The following PLA2G2F variants were observed in gnomAD, a reference collection of about 807,000 sequenced individuals.
PLA2G2F encodes the protein phospholipase A2 group IIF.
A neutral mutation model predicts 15.9 loss-of-function variants in PLA2G2F; 17 were observed. The ratio of observed to expected loss-of-function variants is 1.07; its 90% CI spans 0.73 to 1.60. PLA2G2F has a LOEUF of 1.60. Ranked by LOEUF, PLA2G2F falls within the 40% of genes most tolerant of loss-of-function variation. The pLI is 0.00. For synonymous variants in PLA2G2F, 119 were observed against 106.5 expected (o/e 1.12, Z -0.72); for missense variants, 299 against 278.2 (o/e 1.07, Z -0.53).
rs763284127 is a variant in PLA2G2F, at chr1:20,148,724, G to A, written c.*323G>A. 1 of 362,268 alleles carries A rather than the reference G, an allele frequency of 2.8e-6. No individual in the cohort carries two copies. Among genetic ancestry groups the A allele is most frequent in the Non-Finnish European group, 5.1e-6 (1 of 197,004 alleles). 22.4% of individuals were successfully genotyped at this position (362,268 alleles called of 1,614,324 possible). ...CCTCTGAGTGGGGCCTCTGTTGCTGGCGCCAGTTTAACTCCCCGGAGCCTT... is the reference window on the plus strand; with the variant it reads ...CCTCTGAGTGGGGCCTCTGTTGCTGACGCCAGTTTAACTCCCCGGAGCCTT... On this transcript the variant is annotated 3_prime_UTR_variant, in exon 5 of 5. Coordinates refer to ENST00000375102, the MANE Select transcript of PLA2G2F (RefSeq NM_022819.4).
chr1:20,148,652 G>T lies in PLA2G2F; in HGVS notation c.*251G>T, dbSNP rs1206507147. 3.6e-6 allele frequency: 2 copies of T among 560,526 alleles called. No homozygotes were observed. The highest frequency in any genetic ancestry group is 3.1e-5 in the Admixed American group (1 of 32,482). 34.7% of individuals were successfully genotyped at this position (560,526 alleles called of 1,614,324 possible). A position where few individuals can be genotyped will look rare whatever the true frequency, so the allele number is the denominator to read the frequency against. On this transcript the variant is annotated 3_prime_UTR_variant, in exon 5 of 5. Transcript: ENST00000375102. Reference sequence around the variant, plus strand: ...GGTGGGAGGCACGGAGCTTATAGGGGTCTCTCCTGAGGGTGGCCGGGGAGA... The same window carrying T: ...GGTGGGAGGCACGGAGCTTATAGGGTTCTCTCCTGAGGGTGGCCGGGGAGA...
At chr1:20,142,105 G>A (rs2017485668) in intron 2 of PLA2G2F, 1 of 152,316 alleles carries the variant, frequency 6.6e-6, no homozygotes, top group Non-Finnish European at 1.5e-5. Flanking sequence ...GAAACCGTTG[G>A]CTTTCCCCTC....
intron 2 of PLA2G2F, chr1:20,140,508 GT>G: frequency 2.4e-6 from 1 of 409,940 alleles, no homozygotes; most frequent in Non-Finnish European, 4.4e-6. Flanking sequence ...GTGTACTAGT[GT>G]GTGTCCATCA....
intron 3 of PLA2G2F, 101 bp downstream of exon 3, chr1:20,143,691 C>A: frequency 7.1e-7 from 1 of 1,415,368 alleles, no homozygotes; most frequent in East Asian, 2.3e-5. Context: ...GACCTTCTTT[C>A]CCCAAAGGAT....
chr1:20,140,467 T>G, intron 2 of PLA2G2F: 4 of 499,442 alleles, frequency 8.0e-6, no homozygotes, highest in Non-Finnish European at 1.4e-5. Context: ...CGTAAAATGC[T>G]GGTGTTGGCT....
intron 4 of PLA2G2F, among the ~76,000 whole-genome samples, chr1:20,147,615 A>C (rs1421349489): frequency 6.6e-6 from 1 of 151,946 alleles, no homozygotes; most frequent in East Asian, 1.9e-4. Flanking sequence ...CGCCTGGCTA[A>C]TTTTTTGTAT....
chr1:20,143,554 T>TG lies in PLA2G2F; in HGVS notation c.284dup (p.Arg96ProfsTer7), dbSNP rs765044453. On this transcript the variant is annotated frameshift_variant, in exon 3 of 5. Transcript: ENST00000375102. LOFTEE classifies it high-confidence loss of function. The stretch of plus-strand genomic sequence containing the variant: ...GTGGGCTACGGTTGCTACTGTGGGC[T>TG]GGGGGGCCGTGGCCAGCCCAAGGAT... 2.5e-5 allele frequency: 41 copies of TG among 1,613,804 alleles called. No homozygotes were observed. The highest frequency in any genetic ancestry group is 3.5e-5 in the Non-Finnish European group (41 of 1,179,924).
rs1467279766 is a variant in PLA2G2F at position 20,144,627 on chromosome 1, G to A, written c.362G>A (p.Gly121Asp). The A allele has an allele frequency of 1.2e-6, 2 of 1,612,540 alleles. No individual in the cohort carries two copies. The highest frequency in any genetic ancestry group is 1.7e-6 in the Non-Finnish European group (2 of 1,179,384). ...DCCYQELFDQ[G>D]CHPYVDHYDH... ...TGCTACCAGGAACTCTTTGACCAAGGCTGTCACCCCTATGTGGACCACTAT... is the reference window on the plus strand; with the variant it reads ...TGCTACCAGGAACTCTTTGACCAAGACTGTCACCCCTATGTGGACCACTAT... The change falls in exon 4 of 5, where the codon GGC becomes GAC. Residue 121 changes from glycine to aspartate, a missense_variant. By Grantham distance (94) the Gly-to-Asp change is moderately conservative. Coordinates refer to ENST00000375102, the MANE Select transcript of PLA2G2F (RefSeq NM_022819.4).
At chr1:20,143,104 G>C (rs1446713150) in intron 2 of PLA2G2F, 3 of 209,232 alleles carry the variant, frequency 1.4e-5, no homozygotes, top group African/African-American at 6.9e-5. Flanking sequence ...GGCATAACAA[G>C]AGCATGCAGG....
At chr1:20,148,048 T>G in intron 4 of PLA2G2F, 142 bp from the exon 5 acceptor site, 2 of 696,314 alleles carry the variant, frequency 2.9e-6, no homozygotes, top group Non-Finnish European at 5.1e-6. Context: ...GGCCCGTGGG[T>G]GGTGCTGGTC....
At chr1:20,143,218 A>G (rs1331606920) in intron 2 of PLA2G2F, 9 of 507,854 alleles carry the variant, frequency 1.8e-5, no homozygotes, top group Non-Finnish European at 2.8e-5. Flanking sequence ...TTGTTTTCTC[A>G]GGGCCGCAGG....
At position 20,148,376 on chromosome 1, in the gene PLA2G2F, C is replaced by T. The variant is rs756457703; in HGVS notation, c.611C>T (p.Ser204Phe). ...PPEEVTCSHQ[S>F]PAPPAPP ...GAGGAGGTCACCTGCAGTCACCAAT[C>T]CCCAGCGCCCCCCGCCCCTCCCTAG... is the stretch of plus-strand genomic sequence containing the variant. The change falls in exon 5 of 5, where the codon TCC (serine) becomes TTC (phenylalanine). Residue 204 changes from serine (S) to phenylalanine (F), a missense_variant. Physicochemically the swap from Ser to Phe is radical, Grantham distance 155. Coordinates refer to ENST00000375102, the MANE Select transcript of PLA2G2F (RefSeq NM_022819.4). 1 of 1,612,834 alleles carries T rather than the reference C, an allele frequency of 6.2e-7. No homozygotes were observed. The highest frequency in any genetic ancestry group is 1.1e-5 in the South Asian group (1 of 91,048).
intron 3 of PLA2G2F, 89 bp downstream of exon 3, chr1:20,143,679 G>A (rs992726523): frequency 1.4e-6 from 2 of 1,480,914 alleles, no homozygotes; most frequent in Non-Finnish European, 9.2e-7. Flanking sequence ...CTGAGTGGGG[G>A]AGACCTTCTT....
At chr1:20,139,932 T>G (rs543365347) in intron 1 of PLA2G2F, among the ~76,000 whole-genome samples, 1 of 151,790 alleles carries the variant, frequency 6.6e-6, no homozygotes, top group Non-Finnish European at 1.5e-5. Context: ...GTGGAGGGGG[T>G]TCCTGCCAGA....
In PLA2G2F at chr1:20,140,055, A is replaced by T; in HGVS notation, c.117-111A>T. 8.8e-6 allele frequency: 10 copies of T among 1,140,764 alleles called. 1 individual carries two copies. The South Asian group carries it at 1.3e-4, about 15-fold the overall frequency. The allele number at this position is 1,140,764 out of a possible 1,614,324, so 70.7% of individuals were successfully genotyped here. A position where few individuals can be genotyped will look rare whatever the true frequency, so the allele number is the denominator to read the frequency against. ...CGCTAGGAGCAGCAACTAGGACATC[A>T]AGGGACAGCATTGATGACACCTGTC... On this transcript the variant is annotated intron_variant, in intron 1 of 4. Transcript: ENST00000375102.
chr1:20,143,782 T>C (rs1479252393), intron 3 of PLA2G2F, 192 bp downstream of exon 3: 21 of 677,348 alleles, frequency 3.1e-5, no homozygotes, highest in Non-Finnish European at 3.6e-5. Flanking sequence ...CTTTCTGTTG[T>C]CCATCTCCAA....
In PLA2G2F at chr1:20,148,286, G is replaced by A. The variant is rs144660370; in HGVS notation, c.521G>A (p.Arg174His). ...AACCAGACGTACCGAGAGGAGTACC[G>A]TGGCTTCCTCAATGTCTACTGCCAG... is the stretch of plus-strand genomic sequence containing the variant. ...LMNQTYREEYRGFLNVYCQGP... is the reference protein window; with the variant it reads ...LMNQTYREEYHGFLNVYCQGP... The change falls in exon 5 of 5, where the codon CGT becomes CAT. Residue 174 changes from arginine (R) to histidine (H), a missense_variant. By Grantham distance (29) the Arg-to-His change is conservative. Coordinates refer to ENST00000375102, the MANE Select transcript of PLA2G2F (RefSeq NM_022819.4). 102 of 1,613,892 alleles carry A rather than the reference G, an allele frequency of 6.3e-5. No individual in the cohort carries two copies. In the African/African-American group the frequency reaches 8.1e-4, roughly 13 times the overall value.
At position 20,143,527 on chromosome 1, in the gene PLA2G2F, T is replaced by G; in HGVS notation, c.251T>G (p.Phe84Cys). ...ACAGGGAGGAGCGCCATCCTGTCCT[T>G]CGTGGGCTACGGTTGCTACTGTGGG... ...AVTGRSAILS[F>C]VGYGCYCGLG... Residue 84 changes from phenylalanine (F) to cysteine (C), a missense_variant, in exon 3 of 5, where the codon TTC becomes TGC. Phe to Cys is a radical substitution (Grantham distance 205). Coordinates refer to ENST00000375102, the MANE Select transcript of PLA2G2F (RefSeq NM_022819.4). 6.2e-7 allele frequency: 1 copy of G among 1,614,026 alleles called. No individual in the cohort carries two copies. Among genetic ancestry groups the G allele is most frequent in the Non-Finnish European group, 8.5e-7 (1 of 1,179,954 alleles).
chr1:20,141,682 A>C (rs1381061663), intron 2 of PLA2G2F: 2 of 152,328 alleles, frequency 1.3e-5, no homozygotes, highest in Non-Finnish European at 2.9e-5. Context: ...AGGGCCTCGC[A>C]GTGGTTGGGT....
Sources: gnomAD v4.1 joint callset for allele counts (sites outside exome capture counted in the v4.1 genomes callset) on GRCh38, gnomAD v4.1.1 for gene constraint, MANE v1.5 for transcripts, NCBI Gene and HGNC (gene_info 2026-07-23, HGNC 2026-07-21) for gene names.